Variants in MEIS2 observed in about 807,000 individuals in gnomAD.
MEIS2 encodes the protein homeobox protein Meis2.
Under a neutral mutation model 58.6 loss-of-function variants are expected in MEIS2, and 9 were observed. The observed-to-expected ratio is 0.15, with a 90% CI of 0.09 to 0.27. The LOEUF is 0.27. MEIS2 is among the 10% of genes least tolerant of loss of function. The pLI is 1.00. For synonymous variants in MEIS2, 221 were observed against 228.4 expected, an observed-to-expected ratio of 0.97 and a Z score of 0.29; for missense variants, 427 against 635.0, an observed-to-expected ratio of 0.67 and a Z score of 3.52.
chr15:36,961,227 A>G (rs1413570773), intron 8 of MEIS2, among the ~76,000 whole-genome samples: 1 of 152,130 alleles, frequency 6.6e-6, no homozygotes, highest in Admixed American at 6.5e-5. Context: ...TATAGACGAA[A>G]TCAACTGATT....
chr15:37,095,313 T>A (rs569743096), intron 4 of MEIS2, among the ~76,000 whole-genome samples: 3 of 152,222 alleles, frequency 2.0e-5, no homozygotes, highest in African/African-American at 7.2e-5. Flanking sequence ...CTGGGAAACA[T>A]CCCCTGCTCG....
chr15:36,955,524 T>G (rs2141408361), intron 8 of MEIS2, among the ~76,000 whole-genome samples: 1 of 152,342 alleles, frequency 6.6e-6, no homozygotes, highest in East Asian at 1.9e-4. Context: ...TGGGACGCAG[T>G]CTCTGTTATG....
chr15:36,940,542 T>C (rs955098904), intron 9 of MEIS2, among the ~76,000 whole-genome samples: 2 of 152,092 alleles, frequency 1.3e-5, no homozygotes, highest in Non-Finnish European at 2.9e-5. Context: ...TTGTGGCAAA[T>C]TGATAGCATA....
intron 11 of MEIS2, among the ~76,000 whole-genome samples, 155 bp downstream of exon 11, chr15:36,894,996 A>T (rs75662581): frequency 6.6e-6 from 1 of 152,064 alleles, no homozygotes; most frequent in Non-Finnish European, 1.5e-5. Flanking sequence ...TCAAAGAGGA[A>T]TTTTTTCCCC....
rs539536974 is a variant in MEIS2 at position 37,086,506 on chromosome 15, G to A, written c.640-2621C>T. ...GTTCTTCCAAATAAATTGGGTCTTT[G>A]GTTTTCTGCCCATTCCCAAAATATG... On this transcript the variant is annotated intron_variant, in intron 6 of 11. Transcript: ENST00000561208. Among the ~76,000 whole-genome samples, 15 of 152,266 alleles carry A rather than the reference G, an allele frequency of 9.9e-5. No homozygotes were observed. The South Asian group carries it at 2.9e-3, about 29-fold the overall frequency.
At chr15:37,023,830 C>A (rs901947173) in intron 8 of MEIS2, among the ~76,000 whole-genome samples, 2 of 151,192 alleles carry the variant, frequency 1.3e-5, no homozygotes, top group East Asian at 3.9e-4. Flanking sequence ...AGCTTTCTTG[C>A]TATCTTTACA....
At position 37,005,382 on chromosome 15, in the gene MEIS2, G is replaced by A. The variant is rs571180281; in HGVS notation, c.900+31432C>T. ...GCTCAGTTGACTTAACTGAAAGCAC[G>A]AATGGAACAATCTAGGTCTCCAGTG... On this transcript the variant is annotated intron_variant, in intron 8 of 11. Transcript: ENST00000561208. Among the ~76,000 whole-genome samples, 5 of 152,302 alleles carry A rather than the reference G, an allele frequency of 3.3e-5. 1 individual carries two copies. In the East Asian group the frequency reaches 9.6e-4, roughly 29 times the overall value.
intron 9 of MEIS2, among the ~76,000 whole-genome samples, chr15:36,925,289 T>C (rs556362473): frequency 6.6e-6 from 1 of 152,208 alleles, no homozygotes; most frequent in Admixed American, 6.5e-5. Context: ...TCCGCCTGAG[T>C]GTTTATTATA....
At chr15:37,011,148 T>C (rs943004398) in intron 8 of MEIS2, among the ~76,000 whole-genome samples, 1 of 152,212 alleles carries the variant, frequency 6.6e-6, no homozygotes, top group African/African-American at 2.4e-5. Flanking sequence ...TGTAAGTATA[T>C]TTTGGGTTAG....
intron 8 of MEIS2, among the ~76,000 whole-genome samples, chr15:36,962,325 C>G (rs1308192646): frequency 1.3e-5 from 2 of 152,132 alleles, no homozygotes; most frequent in Non-Finnish European, 2.9e-5. Context: ...GCTTTTTCAT[C>G]TGAAACAAGG....
chr15:37,092,360 A>C (rs1235795334), intron 6 of MEIS2, among the ~76,000 whole-genome samples: 1 of 152,166 alleles, frequency 6.6e-6, no homozygotes, highest in Non-Finnish European at 1.5e-5. Flanking sequence ...GAAGGTTTAT[A>C]CTAAGGCATC....
intron 7 of MEIS2, among the ~76,000 whole-genome samples, chr15:37,068,484 T>A (rs950569608): frequency 6.6e-6 from 1 of 152,204 alleles, no homozygotes; most frequent in Non-Finnish European, 1.5e-5. Context: ...TACTAGCTAT[T>A]AACCAATCGT....
At chr15:37,002,013 A>C (rs1009204203) in intron 8 of MEIS2, among the ~76,000 whole-genome samples, 12 of 152,176 alleles carry the variant, frequency 7.9e-5, no homozygotes, top group Admixed American at 2.6e-4. Context: ...CCATCTGATT[A>C]AACTTTTCCA....
At chr15:37,089,153 A>C (rs1893232231) in intron 6 of MEIS2, among the ~76,000 whole-genome samples, 1 of 152,196 alleles carries the variant, frequency 6.6e-6, no homozygotes, top group Non-Finnish European at 1.5e-5. Context: ...CAGAGCTCAG[A>C]AGTAGAACTT....
At chr15:36,939,996 A>C (rs904490585) in intron 9 of MEIS2, among the ~76,000 whole-genome samples, 4 of 152,190 alleles carry the variant, frequency 2.6e-5, no homozygotes, top group African/African-American at 9.7e-5. Flanking sequence ...TAATCTAAGG[A>C]CATGACACTC....
intron 8 of MEIS2, among the ~76,000 whole-genome samples, chr15:36,960,137 T>C (rs2141425790): frequency 6.6e-6 from 1 of 152,312 alleles, no homozygotes; most frequent in Admixed American, 6.5e-5. Flanking sequence ...GATTATGCTA[T>C]GAATAATTTT....
chr15:36,984,436 TAA>T (rs763436686), intron 8 of MEIS2, among the ~76,000 whole-genome samples: 11 of 152,218 alleles, frequency 7.2e-5, no homozygotes, highest in Non-Finnish European at 1.6e-4. Flanking sequence ...ATGCCAAGGA[TAA>T]ATCCCACTTG....
At chr15:37,079,011 A>G (rs905644684) in intron 7 of MEIS2, among the ~76,000 whole-genome samples, 1 of 152,168 alleles carries the variant, frequency 6.6e-6, no homozygotes, top group African/African-American at 2.4e-5. Flanking sequence ...TATTTATTAG[A>G]AGAATTTAAT....
intron 8 of MEIS2, among the ~76,000 whole-genome samples, chr15:37,015,703 T>C (rs1471079401): frequency 6.6e-6 from 1 of 152,062 alleles, no homozygotes; most frequent in Non-Finnish European, 1.5e-5. Context: ...TATTCATAGC[T>C]AGTCACATCT....
Sources: gnomAD v4.1 joint callset for allele counts (sites outside exome capture counted in the v4.1 genomes callset) on GRCh38, gnomAD v4.1.1 for gene constraint, MANE v1.5 for transcripts, NCBI Gene and HGNC (gene_info 2026-07-23, HGNC 2026-07-21) for gene names.